Variants in UBE2E3 observed in about 807,000 individuals in gnomAD.
The protein encoded by UBE2E3 is ubiquitin conjugating enzyme E2 E3, also known as ubiquitin-conjugating enzyme E2 E3.
In UBE2E3, 5 loss-of-function variants were observed where a neutral mutation model predicts 23.6. The observed-to-expected ratio is 0.21, with a 90% confidence interval of 0.11 to 0.44. UBE2E3 has a LOEUF of 0.44. UBE2E3 is among the 20% of genes least tolerant of loss of function. The pLI is 0.99. For missense variants in UBE2E3, 81 were observed against 249.8 expected (o/e 0.32, Z 4.55); for synonymous variants, 78 against 87.5 (o/e 0.89, Z 0.60).
chr2:181,021,603 CCTT>C (rs2105626928), intron 3 of UBE2E3, among the ~76,000 whole-genome samples: 4 of 109,138 alleles, frequency 3.7e-5, no homozygotes, highest in African/African-American at 1.4e-4. Flanking sequence ...TCCCTCCCTT[CCTT>C]CCTTCCTCCC....
intron 3 of UBE2E3, among the ~76,000 whole-genome samples, chr2:181,051,389 T>C (rs189334461): frequency 6.6e-6 from 1 of 151,860 alleles, no homozygotes. Flanking sequence ...ATTTTTAATA[T>C]TCTTCTTAGA....
chr2:180,983,422 A>T (rs1684363332), intron 2 of UBE2E3, among the ~76,000 whole-genome samples: 1 of 152,192 alleles, frequency 6.6e-6, no homozygotes, highest in Non-Finnish European at 1.5e-5. Flanking sequence ...TCTCCCCCTT[A>T]ACTCAGGCCT....
chr2:181,045,073 G>A (rs901198271), intron 3 of UBE2E3, among the ~76,000 whole-genome samples: 7 of 152,166 alleles, frequency 4.6e-5, no homozygotes, highest in Admixed American at 1.3e-4. Context: ...CAGAAAGAGA[G>A]GGAGGGAAAT....
At chr2:181,023,087 C>T (rs192082581) in intron 3 of UBE2E3, among the ~76,000 whole-genome samples, 3 of 152,276 alleles carry the variant, frequency 2.0e-5, no homozygotes, top group East Asian at 1.9e-4. Flanking sequence ...ACCATAACCC[C>T]GACATGAGTA....
chr2:181,015,155 TG>T (rs1481560881), intron 3 of UBE2E3, among the ~76,000 whole-genome samples: 1 of 152,158 alleles, frequency 6.6e-6, no homozygotes, highest in Non-Finnish European at 1.5e-5. Context: ...GGTAAGGATC[TG>T]GGAGACAACA....
At chr2:181,036,266 TAA>T (rs1686277081) in intron 3 of UBE2E3, among the ~76,000 whole-genome samples, 1 of 152,156 alleles carries the variant, frequency 6.6e-6, no homozygotes, top group Non-Finnish European at 1.5e-5. Context: ...GATCCACACA[TAA>T]ATGGTCAGTT....
chr2:181,049,944 A>G (rs1321742310), intron 3 of UBE2E3, among the ~76,000 whole-genome samples: 1 of 152,014 alleles, frequency 6.6e-6, no homozygotes, highest in African/African-American at 2.4e-5. Context: ...ACAGAAAGAA[A>G]AAATATATTT....
At chr2:181,057,956 C>T (rs1394812585) in intron 4 of UBE2E3, 131 bp downstream of exon 4, 20 of 943,840 alleles carry the variant, frequency 2.1e-5, no homozygotes, top group South Asian at 4.2e-5. Context: ...TGGAAATTTT[C>T]GCATAATCAA....
At chr2:181,061,507 G>C (rs1032681400) in intron 5 of UBE2E3, among the ~76,000 whole-genome samples, 2 of 89,914 alleles carry the variant, frequency 2.2e-5, no homozygotes, top group African/African-American at 3.4e-5. Context: ...ATGCTTTTAG[G>C]CAACTACTTT....
chr2:181,008,037 A>G (rs1685204399), intron 3 of UBE2E3, among the ~76,000 whole-genome samples: 1 of 152,184 alleles, frequency 6.6e-6, no homozygotes, highest in Non-Finnish European at 1.5e-5. Flanking sequence ...TGTCTTTTTA[A>G]TCTGGCTTTT....
chr2:181,030,083 C>T (rs771926018), intron 3 of UBE2E3, among the ~76,000 whole-genome samples: 45 of 152,074 alleles, frequency 3.0e-4, no homozygotes, highest in Middle Eastern at 3.4e-3. Flanking sequence ...CCACCTGCTT[C>T]GGCCTCCCAA....
At chr2:181,029,657 ATCT>A (rs1686009991) in intron 3 of UBE2E3, among the ~76,000 whole-genome samples, 3 of 109,142 alleles carry the variant, frequency 2.7e-5, no homozygotes, top group Non-Finnish European at 3.8e-5. Flanking sequence ...TCTGTAGACA[ATCT>A]TTTTTTTTTT....
At chr2:180,996,817 T>C (rs1004355894) in intron 3 of UBE2E3, among the ~76,000 whole-genome samples, 4 of 152,238 alleles carry the variant, frequency 2.6e-5, no homozygotes, top group Non-Finnish European at 4.4e-5. Flanking sequence ...AAATGTATGT[T>C]GACCAAGATA....
chr2:180,981,267 G>C (rs1240288101), intron 1 of UBE2E3: 1 of 151,874 alleles, frequency 6.6e-6, no homozygotes, highest in Non-Finnish European at 1.5e-5. Context: ...TTGGGGCTTT[G>C]TTTATTTGTT....
intron 3 of UBE2E3, among the ~76,000 whole-genome samples, chr2:181,011,202 A>G (rs1377844908): frequency 6.6e-6 from 1 of 152,044 alleles, no homozygotes; most frequent in Non-Finnish European, 1.5e-5. Context: ...TTTATAATGG[A>G]CAAAATTATT....
intron 3 of UBE2E3, among the ~76,000 whole-genome samples, chr2:181,014,033 A>C (rs1359289297): frequency 6.6e-6 from 1 of 152,170 alleles, no homozygotes; most frequent in Non-Finnish European, 1.5e-5. Context: ...AGATAATACA[A>C]AAGGTGTGCC....
intron 2 of UBE2E3, 29 bp downstream of exon 2, chr2:180,982,265 C>T (rs764134539): frequency 1.3e-6 from 2 of 1,589,860 alleles, no homozygotes; most frequent in African/African-American, 1.4e-5. Flanking sequence ...ATCCAGCACA[C>T]TTTGTCAGGT....
intron 5 of UBE2E3, 60 bp downstream of exon 5, chr2:181,060,872 T>C: frequency 1.7e-6 from 2 of 1,146,608 alleles, no homozygotes; most frequent in East Asian, 2.9e-5. Flanking sequence ...TTTTTTTTTT[T>C]TTTTTTTTTT....
At chr2:180,984,017 T>C (rs754499038) in intron 2 of UBE2E3, 26 bp from the exon 3 acceptor site, 4 of 1,598,958 alleles carry the variant, frequency 2.5e-6, no homozygotes, top group Non-Finnish European at 3.4e-6. Flanking sequence ...TCAAATCCTT[T>C]TTGTCTCTTC....
Sources: gnomAD v4.1 joint callset for allele counts (sites outside exome capture counted in the v4.1 genomes callset) on GRCh38, gnomAD v4.1.1 for gene constraint, MANE v1.5 for transcripts, NCBI Gene and HGNC (gene_info 2026-07-23, HGNC 2026-07-21) for gene names.